SRPK2: variants seen among roughly 807,000 people sequenced by gnomAD.
SRPK2 encodes the protein SRSF protein kinase 2, also known as SFRS protein kinase 2.
A neutral mutation model predicts 90.8 loss-of-function variants in SRPK2; 21 were observed. The observed-to-expected ratio is 0.23, with a 90% CI of 0.16 to 0.33. SRPK2 has a LOEUF of 0.33. Ranked by LOEUF, SRPK2 falls within the 10% of genes least tolerant of loss-of-function variation. The probability of loss-of-function intolerance (pLI) is 1.00; values close to 1 mark genes in which losing one functional copy is unlikely to be tolerated. For missense variants in SRPK2, 620 were observed against 869.0 expected (o/e 0.71, Z 3.60); for synonymous variants, 288 against 311.1 (o/e 0.93, Z 0.78).
At chr7:105,259,638 C>T (rs1192530242) in intron 2 of SRPK2, among the ~76,000 whole-genome samples, 1 of 152,150 alleles carries the variant, frequency 6.6e-6, no homozygotes, top group Non-Finnish European at 1.5e-5. Flanking sequence ...TCAAACTATA[C>T]TACAAGGCTA....
intron 3 of SRPK2, among the ~76,000 whole-genome samples, chr7:105,202,603 T>A (rs1031202079): frequency 4.6e-5 from 7 of 152,224 alleles, no homozygotes; most frequent in African/African-American, 1.7e-4. Flanking sequence ...CACAACACGC[T>A]TGCCCTTTAG....
At chr7:105,231,242 T>C (rs917175468) in intron 2 of SRPK2, among the ~76,000 whole-genome samples, 3 of 152,232 alleles carry the variant, frequency 2.0e-5, no homozygotes, top group African/African-American at 7.2e-5. Context: ...GGTCTATCCA[T>C]GTTCCCACAA....
At chr7:105,273,986 G>C (rs1369757331) in intron 2 of SRPK2, among the ~76,000 whole-genome samples, 1 of 152,156 alleles carries the variant, frequency 6.6e-6, no homozygotes, top group African/African-American at 2.4e-5. Context: ...TTATAAAGGG[G>C]AAATCTAAGG....
intron 2 of SRPK2, chr7:105,268,904 G>C (rs1805456295): frequency 1.3e-6 from 2 of 1,564,990 alleles, no homozygotes; most frequent in Admixed American, 1.7e-5. Context: ...AACCAAGATT[G>C]CCTGCCCTTG....
intron 3 of SRPK2, among the ~76,000 whole-genome samples, chr7:105,195,542 T>G (rs983975158): frequency 6.6e-6 from 1 of 152,224 alleles, no homozygotes; most frequent in East Asian, 1.9e-4. Flanking sequence ...AACCTAATCT[T>G]CTACCATCAA....
intron 3 of SRPK2, among the ~76,000 whole-genome samples, chr7:105,188,479 T>A (rs67180946): frequency 0.4 from 61,138 of 152,044 alleles, 14,527 homozygotes; most frequent in Non-Finnish European, 0.53. Flanking sequence ...GAGAATGTTA[T>A]GTTTGCAAAT....
intron 2 of SRPK2, among the ~76,000 whole-genome samples, chr7:105,366,041 G>T (rs1819013098): frequency 6.6e-6 from 1 of 151,962 alleles, no homozygotes; most frequent in African/African-American, 2.4e-5. Flanking sequence ...TTTTAGTAGA[G>T]ACAGGGTTTC....
At chr7:105,296,089 G>A (rs1315815228) in intron 2 of SRPK2, among the ~76,000 whole-genome samples, 5 of 151,874 alleles carry the variant, frequency 3.3e-5, no homozygotes, top group Non-Finnish European at 5.9e-5. Context: ...TCCTACTAAA[G>A]AATGGCTCTG....
chr7:105,382,721 G>A (rs1022402681), intron 2 of SRPK2, among the ~76,000 whole-genome samples: 1 of 152,102 alleles, frequency 6.6e-6, no homozygotes, highest in Non-Finnish European at 1.5e-5. Flanking sequence ...AAGTGATAGA[G>A]AACAGATCAG....
chr7:105,325,992 G>C (rs914624070), intron 2 of SRPK2, among the ~76,000 whole-genome samples: 3 of 152,182 alleles, frequency 2.0e-5, no homozygotes, highest in Non-Finnish European at 4.4e-5. Flanking sequence ...CTTGGCTACC[G>C]GTCCCCTGCC....
chr7:105,302,383 A>G (rs763384895), intron 2 of SRPK2, among the ~76,000 whole-genome samples: 1 of 152,172 alleles, frequency 6.6e-6, no homozygotes, highest in African/African-American at 2.4e-5. Context: ...AATTTATATG[A>G]TCTTATCCTG....
chr7:105,344,885 C>T (rs1816273357), intron 2 of SRPK2, among the ~76,000 whole-genome samples: 1 of 151,762 alleles, frequency 6.6e-6, no homozygotes, highest in Non-Finnish European at 1.5e-5. Flanking sequence ...ACCTGTAATC[C>T]CAACACTTTG....
chr7:105,372,528 A>C (rs10261782), intron 2 of SRPK2, among the ~76,000 whole-genome samples: 28,980 of 152,034 alleles, frequency 0.19, 3,471 homozygotes, highest in East Asian at 0.58. Flanking sequence ...CATACACAAC[A>C]ACCAAATAAA....
intron 2 of SRPK2, among the ~76,000 whole-genome samples, chr7:105,259,385 A>G (rs1303440439): frequency 6.6e-6 from 1 of 152,220 alleles, no homozygotes; most frequent in African/African-American, 2.4e-5. Context: ...ATAAAAGAGG[A>G]CACCAACAAA....
At chr7:105,351,701 G>A (rs903222951) in intron 2 of SRPK2, among the ~76,000 whole-genome samples, 1 of 151,588 alleles carries the variant, frequency 6.6e-6, no homozygotes, top group Non-Finnish European at 1.5e-5. Flanking sequence ...CTACTCGGGA[G>A]GCTGAGGCAG....
At chr7:105,170,912 A>AAAGGAAGG (rs200854682) in intron 3 of SRPK2, among the ~76,000 whole-genome samples, 5 of 123,658 alleles carry the variant, frequency 4.0e-5, no homozygotes, top group African/African-American at 1.6e-4. Context: ...AGAAAGAAAG[A>AAAGGAAGG]AAGGAGAAAG....
intron 2 of SRPK2, among the ~76,000 whole-genome samples, chr7:105,298,116 A>G (rs1430644449): frequency 1.3e-5 from 2 of 152,198 alleles, no homozygotes; most frequent in Non-Finnish European, 2.9e-5. Flanking sequence ...TGTAACCACT[A>G]CCACAACCAA....
intron 3 of SRPK2, among the ~76,000 whole-genome samples, chr7:105,180,452 A>G (rs1303681143): frequency 6.6e-6 from 1 of 152,140 alleles, no homozygotes; most frequent in Non-Finnish European, 1.5e-5. Context: ...TGTACAACCT[A>G]AAACTATAAA....
intron 2 of SRPK2, among the ~76,000 whole-genome samples, chr7:105,329,782 G>A (rs1258284208): frequency 1.3e-5 from 2 of 151,840 alleles, no homozygotes; most frequent in African/African-American, 4.8e-5. Context: ...ATAATCCCAG[G>A]ACTTTAGGAG....
Sources: gnomAD v4.1 joint callset for allele counts (sites outside exome capture counted in the v4.1 genomes callset) on GRCh38, gnomAD v4.1.1 for gene constraint, MANE v1.5 for transcripts, NCBI Gene and HGNC (gene_info 2026-07-23, HGNC 2026-07-21) for gene names.